Variants in SGPP2 observed in about 807,000 individuals in gnomAD.
SGPP2 encodes sphingosine 1-phosphate phosphohydrolase 2.
Under a neutral mutation model 33.9 loss-of-function variants are expected in SGPP2, and 30 were observed. That is an observed-to-expected ratio of 0.89 (90% confidence interval 0.66 to 1.20). The LOEUF (loss-of-function observed/expected upper bound fraction) is 1.20. SGPP2 is among the 50% of genes most tolerant of loss of function. SGPP2 has a pLI of 0.00. For synonymous variants in SGPP2, 233 were observed against 225.0 expected (o/e 1.04, Z -0.32); for missense variants, 458 against 532.1 (o/e 0.86, Z 1.37).
chr2:222,536,114 G>A (rs539636403), intron 4 of SGPP2, among the ~76,000 whole-genome samples: 47 of 152,280 alleles, frequency 3.1e-4, no homozygotes, highest in African/African-American at 9.9e-4. Flanking sequence ...GCCAGGCTCC[G>A]TTTGCTTCTT....
intron 4 of SGPP2, among the ~76,000 whole-genome samples, chr2:222,555,681 A>G (rs2106158232): frequency 6.6e-6 from 1 of 152,308 alleles, no homozygotes; most frequent in Non-Finnish European, 1.5e-5. Context: ...CAAAGACAGA[A>G]TCTGCAAATG....
At chr2:222,501,703 A>C (rs570651141) in intron 2 of SGPP2, among the ~76,000 whole-genome samples, 3 of 152,340 alleles carry the variant, frequency 2.0e-5, no homozygotes, top group Admixed American at 6.5e-5. Flanking sequence ...GGGTAAGTCA[A>C]GAATAGATAC....
At chr2:222,489,694 G>A (rs1406644330) in intron 2 of SGPP2, among the ~76,000 whole-genome samples, 1 of 152,070 alleles carries the variant, frequency 6.6e-6, no homozygotes, top group Non-Finnish European at 1.5e-5. Flanking sequence ...GGCGGTGTGC[G>A]GTGACTTACA....
intron 4 of SGPP2, among the ~76,000 whole-genome samples, chr2:222,541,224 G>A (rs909384224): frequency 6.6e-6 from 1 of 152,208 alleles, no homozygotes; most frequent in Non-Finnish European, 1.5e-5. Flanking sequence ...TAAGTTAACT[G>A]TGGCAAGTGT....
At chr2:222,469,434 C>T (rs536637688) in intron 1 of SGPP2, among the ~76,000 whole-genome samples, 7 of 152,296 alleles carry the variant, frequency 4.6e-5, no homozygotes, top group Admixed American at 2.6e-4. Context: ...CTACCTGCCT[C>T]GGACTCCCAA....
At chr2:222,424,896 C>G in intron 1 of SGPP2, 75 bp downstream of exon 1, 1 of 1,181,056 alleles carries the variant, frequency 8.5e-7, no homozygotes, top group Non-Finnish European at 1.1e-6. Context: ...GACTCCGCCA[C>G]GCGGGGCCGG....
intron 4 of SGPP2, among the ~76,000 whole-genome samples, chr2:222,536,121 T>A (rs1177026221): frequency 6.6e-6 from 1 of 152,180 alleles, no homozygotes; most frequent in African/African-American, 2.4e-5. Flanking sequence ...TCCGTTTGCT[T>A]CTTTCTTTTA....
Position 222,477,219 on chromosome 2 carries a change from ATGTT to A in SGPP2, c.378+2495_378+2498del, listed in dbSNP as rs773029028. Among the ~76,000 whole-genome samples the A allele has an allele frequency of 6.0e-4, 90 of 150,556 alleles. 1 individual carries two copies. The highest frequency in any genetic ancestry group is 1.1e-3 in the Non-Finnish European group (75 of 67,550). On this transcript the variant is annotated intron_variant, in intron 2 of 4. Transcript: ENST00000321276. This position sits in a 1 kb window ranked among gnomAD's most constrained non-coding sequence, Gnocchi z 6.0. ...TATGTGTGTGCATAGGTGCATATATATGTTTATGTATATAGGTGTGTATATACAT... is the reference window on the plus strand; with the variant it reads ...TATGTGTGTGCATAGGTGCATATATATATGTATATAGGTGTGTATATACAT...
At position 222,476,881 on chromosome 2, in the gene SGPP2, T is replaced by A. The variant is rs1231039418; in HGVS notation, c.378+2155T>A. ...ATATGTGTATATATAGGTGTGTGTA[T>A]ATATGTGTGTTTATTGTATGTATAT... On this transcript the variant is annotated intron_variant, in intron 2 of 4. Transcript: ENST00000321276. The surrounding 1 kb of genome is among the most constrained non-coding windows in gnomAD (Gnocchi z 4.3). 6.6e-6 allele frequency among the ~76,000 whole-genome samples: 1 copy of A among 151,914 alleles called. No individual in the cohort carries two copies. Among genetic ancestry groups the A allele is most frequent in the African/African-American group, 2.4e-5 (1 of 41,312 alleles).
At chr2:222,539,117 C>T (rs1365198611) in intron 4 of SGPP2, among the ~76,000 whole-genome samples, 1 of 152,170 alleles carries the variant, frequency 6.6e-6, no homozygotes, top group Non-Finnish European at 1.5e-5. Context: ...AGGCAAGTCC[C>T]TTCCGTCTAG....
intron 2 of SGPP2, among the ~76,000 whole-genome samples, chr2:222,505,489 A>G (rs1180658743): frequency 6.6e-6 from 1 of 152,208 alleles, no homozygotes; most frequent in Admixed American, 6.5e-5. Flanking sequence ...ATTTGCAACA[A>G]TTTGGAAAAA....
chr2:222,464,791 G>T (rs1221578750), intron 1 of SGPP2, among the ~76,000 whole-genome samples: 3 of 152,144 alleles, frequency 2.0e-5, no homozygotes, highest in Non-Finnish European at 4.4e-5. Context: ...CCCAAGCACA[G>T]GGTTTTAAGT....
chr2:222,548,042 C>T (rs1252196940), intron 4 of SGPP2, among the ~76,000 whole-genome samples: 2 of 152,160 alleles, frequency 1.3e-5, no homozygotes, highest in African/African-American at 4.8e-5. Flanking sequence ...GGGTTATTAC[C>T]ATCCTACAGG....
At chr2:222,444,655 C>A (rs1367647363) in intron 1 of SGPP2, among the ~76,000 whole-genome samples, 8 of 152,156 alleles carry the variant, frequency 5.3e-5, no homozygotes, top group Non-Finnish European at 1.2e-4. Flanking sequence ...CTCTTTTTCT[C>A]AGAGTCCTTG....
chr2:222,528,585 C>T (rs983621544), intron 4 of SGPP2, among the ~76,000 whole-genome samples: 6 of 151,984 alleles, frequency 3.9e-5, no homozygotes, highest in Non-Finnish European at 8.8e-5. Context: ...GTAGGGTGGT[C>T]ATTGCTGAAG....
At chr2:222,436,153 G>A (rs983504210) in intron 1 of SGPP2, among the ~76,000 whole-genome samples, 2 of 152,176 alleles carry the variant, frequency 1.3e-5, no homozygotes, top group Non-Finnish European at 2.9e-5. Context: ...TGACTTCAAG[G>A]TAGGAGGAGC....
intron 2 of SGPP2, among the ~76,000 whole-genome samples, chr2:222,492,922 T>A (rs1698220368): frequency 6.6e-6 from 1 of 152,196 alleles, no homozygotes; most frequent in Admixed American, 6.5e-5. Context: ...ATGTTCCTCA[T>A]CTCCATAAGA....
At chr2:222,510,392 A>G (rs1225377195) in intron 2 of SGPP2, among the ~76,000 whole-genome samples, 1 of 152,176 alleles carries the variant, frequency 6.6e-6, no homozygotes, top group Admixed American at 6.5e-5. Context: ...GTTACAGCTC[A>G]TTGTTCTCTT....
intron 1 of SGPP2, among the ~76,000 whole-genome samples, chr2:222,445,901 G>T (rs1441718616): frequency 1.3e-5 from 2 of 152,214 alleles, no homozygotes; most frequent in African/African-American, 4.8e-5. Context: ...GCTACAGTGG[G>T]CTTTGCAGAA....
Sources: allele counts gnomAD v4.1 joint callset (sites outside exome capture counted in the v4.1 genomes callset), GRCh38; gene constraint gnomAD v4.1.1; non-coding constraint Gnocchi (gnomAD v3.1); transcripts MANE v1.5; gene names NCBI Gene and HGNC (gene_info 2026-07-23, HGNC 2026-07-21).